Variants in FRYL observed in about 807,000 individuals in gnomAD.
The protein encoded by FRYL is FRY like transcription coactivator.
Under a neutral mutation model 351.2 loss-of-function variants are expected in FRYL, and 150 were observed. The ratio of observed to expected loss-of-function variants is 0.43; its 90% confidence interval spans 0.37 to 0.49. FRYL has a LOEUF of 0.49. FRYL is among the 20% of genes least tolerant of loss of function. The pLI is 0.00. For missense variants in FRYL, 3,036 were observed against 3,619.3 expected, an observed-to-expected ratio of 0.84 and a Z score of 4.13; for synonymous variants, 1,153 against 1,257.1, an observed-to-expected ratio of 0.92 and a Z score of 1.75.
intron 58 of FRYL, among the ~76,000 whole-genome samples, chr4:48,510,521 T>A (rs1320574472): frequency 6.6e-6 from 1 of 152,194 alleles, no homozygotes; most frequent in Non-Finnish European, 1.5e-5. Context: ...CCTGGGTATT[T>A]CACGGGTGGA....
chr4:48,605,276 T>C (rs1421306197), intron 11 of FRYL, among the ~76,000 whole-genome samples: 1 of 152,198 alleles, frequency 6.6e-6, no homozygotes, highest in Admixed American at 6.5e-5. Flanking sequence ...TTAAAACAAT[T>C]CTCTGTTCAC....
chr4:48,532,611 C>T (rs1469022595), intron 49 of FRYL, among the ~76,000 whole-genome samples: 3 of 151,958 alleles, frequency 2.0e-5, no homozygotes, highest in Non-Finnish European at 4.4e-5. Flanking sequence ...GAGCCAAGAT[C>T]GCACCTCTGC....
At chr4:48,752,540 T>A (rs1354220854) in intron 1 of FRYL, among the ~76,000 whole-genome samples, 1 of 152,226 alleles carries the variant, frequency 6.6e-6, no homozygotes, top group Non-Finnish European at 1.5e-5. Context: ...CCATGAATGA[T>A]CACATTGATA....
chr4:48,588,502 C>T (rs1415521112), intron 18 of FRYL, among the ~76,000 whole-genome samples: 1 of 152,178 alleles, frequency 6.6e-6, no homozygotes, highest in Non-Finnish European at 1.5e-5. Context: ...ACTTGACTGG[C>T]CCCACTGACC....
rs1409452673 is a variant in FRYL, at chr4:48,543,863, A to G, written c.5536T>C (p.Ser1846Pro). ...TCTACAAGTCTGGAGAGAACATCAGAAAGTGTAGTTGCAGTGAGAGGCTGC... is the reference window on the plus strand; with the variant it reads ...TCTACAAGTCTGGAGAGAACATCAGGAAGTGTAGTTGCAGTGAGAGGCTGC... ...LKQPLTATTL[S>P]DVLSRLVETV... Residue 1846 changes from serine (S) to proline (P), a missense_variant, in exon 44 of 64, where the codon TCT becomes CCT. Transcript: ENST00000358350. The G allele has an allele frequency of 6.2e-7, 1 of 1,613,882 alleles. No individual in the cohort carries two copies. Among genetic ancestry groups the G allele is most frequent in the Non-Finnish European group, 8.5e-7 (1 of 1,179,822 alleles).
At chr4:48,539,131 G>C (rs1476898909) in intron 47 of FRYL, among the ~76,000 whole-genome samples, 1 of 151,992 alleles carries the variant, frequency 6.6e-6, no homozygotes, top group Non-Finnish European at 1.5e-5. Flanking sequence ...TTAAACAAAT[G>C]TTAACAGATG....
At chr4:48,705,939 C>T (rs1029463555) in intron 2 of FRYL, among the ~76,000 whole-genome samples, 2 of 152,040 alleles carry the variant, frequency 1.3e-5, no homozygotes, top group African/African-American at 2.4e-5. Context: ...TGGGTTCAAG[C>T]GATTCTCCTG....
chr4:48,687,496 G>A (rs1359024633), intron 2 of FRYL, among the ~76,000 whole-genome samples: 2 of 53,086 alleles, frequency 3.8e-5, no homozygotes, highest in East Asian at 6.9e-4. Context: ...TGAGGTCGGG[G>A]GGGGGGGGGG....
chr4:48,578,632 C>G (rs897188448), intron 23 of FRYL, among the ~76,000 whole-genome samples: 3 of 152,194 alleles, frequency 2.0e-5, no homozygotes, highest in Non-Finnish European at 2.9e-5. Flanking sequence ...GCTTCTCACC[C>G]TTTATCTACA....
chr4:48,609,071 A>T lies in FRYL; in HGVS notation c.492-4T>A. 6.4e-7 allele frequency: 1 copy of T among 1,554,428 alleles called. No individual in the cohort carries two copies. Among genetic ancestry groups the T allele is most frequent in the Non-Finnish European group, 8.9e-7 (1 of 1,128,714 alleles). On this transcript the variant is annotated splice_region_variant and splice_polypyrimidine_tract_variant and intron_variant, in intron 8 of 63. Coordinates refer to ENST00000358350, the MANE Select transcript of FRYL (RefSeq NM_015030.2). ...CCCAGTGTTGGTTCCTGAATATCTA[A>T]AATAACAAAAGAACAAACATAACAT...
intron 28 of FRYL, among the ~76,000 whole-genome samples, chr4:48,566,691 ATAGTGT>A (rs1259122347): frequency 6.6e-6 from 1 of 152,230 alleles, no homozygotes; most frequent in African/African-American, 2.4e-5. Flanking sequence ...AGAAACACTT[ATAGTGT>A]ATGCCAAAGG....
intron 3 of FRYL, chr4:48,636,749 A>T (rs1438657691): frequency 6.6e-6 from 1 of 152,076 alleles, no homozygotes; most frequent in Non-Finnish European, 1.5e-5. Context: ...CTTTTTGATT[A>T]AATAATTTAT....
intron 33 of FRYL, among the ~76,000 whole-genome samples, chr4:48,558,381 G>A (rs1291525938): frequency 1.3e-5 from 2 of 152,122 alleles, no homozygotes; most frequent in Non-Finnish European, 1.5e-5. Flanking sequence ...AGTACCTAAA[G>A]TAGTCAAATC....
chr4:48,708,915 T>TTTTTTCG (rs1553866669), intron 2 of FRYL, among the ~76,000 whole-genome samples: 1 of 138,920 alleles, frequency 7.2e-6, no homozygotes, highest in Non-Finnish European at 1.5e-5. Flanking sequence ...CGTGTGTTTT[T>TTTTTTCG]TTTTTTGTTT....
chr4:48,530,977 A>C (rs1442653447), intron 50 of FRYL, among the ~76,000 whole-genome samples, 179 bp downstream of exon 50: 2 of 152,196 alleles, frequency 1.3e-5, no homozygotes, highest in Non-Finnish European at 2.9e-5. Context: ...TTTCTCTAAC[A>C]GACAGTAAGC....
intron 18 of FRYL, 54 bp from the exon 19 acceptor site, chr4:48,586,782 A>C (rs1190555231): frequency 8.3e-7 from 1 of 1,205,336 alleles, no homozygotes; most frequent in Non-Finnish European, 1.2e-6. Context: ...CTAGACAATG[A>C]AATCAAACTT....
At chr4:48,697,846 A>G (rs1220374675) in intron 2 of FRYL, among the ~76,000 whole-genome samples, 6 of 152,234 alleles carry the variant, frequency 3.9e-5, no homozygotes. Flanking sequence ...CAAAGAAGAA[A>G]TAAGAATGGT....
At chr4:48,705,648 G>T (rs1327579219) in intron 2 of FRYL, among the ~76,000 whole-genome samples, 2 of 151,422 alleles carry the variant, frequency 1.3e-5, no homozygotes, top group Non-Finnish European at 2.9e-5. Flanking sequence ...TATTATACAT[G>T]ATTATAAAAC....
At chr4:48,500,936 G>A (rs182392427) in intron 62 of FRYL, among the ~76,000 whole-genome samples, 2 of 151,972 alleles carry the variant, frequency 1.3e-5, no homozygotes, top group Non-Finnish European at 2.9e-5. Flanking sequence ...ATACAAAAAG[G>A]TTAGCTGGGT....
Sources: allele counts gnomAD v4.1 joint callset (sites outside exome capture counted in the v4.1 genomes callset), GRCh38; gene constraint gnomAD v4.1.1; transcripts MANE v1.5; gene names NCBI Gene and HGNC (gene_info 2026-07-23, HGNC 2026-07-21).